Variants in MSH3 observed in about 807,000 individuals in gnomAD.
The protein encoded by MSH3 is DNA mismatch repair protein Msh3.
In MSH3, 106 loss-of-function variants were observed where a neutral mutation model predicts 123.3. The observed-to-expected ratio is 0.86, with a 90% CI of 0.73 to 1.01. The LOEUF (loss-of-function observed/expected upper bound fraction) is 1.01. MSH3 is among the 50% of genes least tolerant of loss of function. MSH3 has a pLI of 0.00. For missense variants in MSH3, 1,459 were observed against 1,347.6 expected (o/e 1.08, Z -1.29); for synonymous variants, 515 against 481.4 (o/e 1.07, Z -0.91).
At chr5:80,715,758 C>A (rs1268104390) in intron 8 of MSH3, among the ~76,000 whole-genome samples, 1 of 151,968 alleles carries the variant, frequency 6.6e-6, no homozygotes, top group Non-Finnish European at 1.5e-5. Context: ...GGGGGAGGTG[C>A]CATACACTTT....
At chr5:80,707,806 G>A (rs1415107513) in intron 8 of MSH3, among the ~76,000 whole-genome samples, 1 of 152,232 alleles carries the variant, frequency 6.6e-6, no homozygotes, top group Non-Finnish European at 1.5e-5. Flanking sequence ...TCTCAGCAGT[G>A]TGTGAGAGCT....
intron 22 of MSH3, among the ~76,000 whole-genome samples, chr5:80,868,290 A>G (rs896845009): frequency 6.6e-6 from 1 of 151,974 alleles, no homozygotes; most frequent in African/African-American, 2.4e-5. Flanking sequence ...AGAAATATAA[A>G]TTGTTGTGTC....
At chr5:80,812,163 G>GT (rs1202825177) in intron 19 of MSH3, among the ~76,000 whole-genome samples, 1 of 152,154 alleles carries the variant, frequency 6.6e-6, no homozygotes, top group Non-Finnish European at 1.5e-5. Context: ...CTCTAGCACA[G>GT]TTTGGCATTA....
chr5:80,754,454 T>C (rs867151026), intron 12 of MSH3, among the ~76,000 whole-genome samples: 1 of 152,186 alleles, frequency 6.6e-6, no homozygotes, highest in Non-Finnish European at 1.5e-5. Flanking sequence ...AGGGAATTTC[T>C]AATCTAATCT....
chr5:80,834,388 A>T (rs1478269874), intron 20 of MSH3, among the ~76,000 whole-genome samples: 1 of 150,240 alleles, frequency 6.7e-6, no homozygotes, highest in Non-Finnish European at 1.5e-5. Flanking sequence ...AGTTCTACAA[A>T]TGGAAAGCAG....
In MSH3 at chr5:80,698,060, A is replaced by G. The variant is rs528087759; in HGVS notation, c.1340+18967A>G. ...GTAGCTGGGACTGCAGGTGTGCTCA[A>G]CCACACCCAGCTAATTTTTTTTGTA... On this transcript the variant is annotated intron_variant, in intron 8 of 23. Transcript: ENST00000265081. 1.8e-4 allele frequency among the ~76,000 whole-genome samples: 28 copies of G among 152,114 alleles called. No homozygotes were observed. The South Asian group carries it at 1.9e-3, about 10-fold the overall frequency.
intron 13 of MSH3, among the ~76,000 whole-genome samples, chr5:80,762,241 C>T: frequency 6.6e-6 from 1 of 151,618 alleles, no homozygotes; most frequent in Middle Eastern, 3.2e-3. Flanking sequence ...TCAAAATATG[C>T]CTAAAATTAA....
At chr5:80,845,292 C>A (rs1295812177) in intron 20 of MSH3, among the ~76,000 whole-genome samples, 1 of 152,176 alleles carries the variant, frequency 6.6e-6, no homozygotes, top group Non-Finnish European at 1.5e-5. Flanking sequence ...ATGGGCTTCC[C>A]TTTGTGGGTA....
chr5:80,826,548 ATT>A (rs10625891), intron 20 of MSH3, among the ~76,000 whole-genome samples: 3 of 140,514 alleles, frequency 2.1e-5, no homozygotes, highest in African/African-American at 2.6e-5. Flanking sequence ...GAGGTTAGGA[ATT>A]TTTTTTTTTT....
chr5:80,869,270 C>A (rs1284828338), intron 22 of MSH3, among the ~76,000 whole-genome samples: 1 of 152,150 alleles, frequency 6.6e-6, no homozygotes, highest in Non-Finnish European at 1.5e-5. Flanking sequence ...CCATAATAAG[C>A]AGAAACATGA....
intron 19 of MSH3, among the ~76,000 whole-genome samples, chr5:80,809,543 A>G (rs566343211): frequency 2.0e-5 from 3 of 152,078 alleles, no homozygotes; most frequent in Admixed American, 6.6e-5. Flanking sequence ...AAACATTTCT[A>G]TTTCTGCATT....
In MSH3 at chr5:80,672,850, T is replaced by C. The variant is rs1228031532; in HGVS notation, c.1019T>C (p.Ile340Thr). 4.4e-6 allele frequency: 7 copies of C among 1,605,566 alleles called. No homozygotes were observed. Among genetic ancestry groups the C allele is most frequent in the Non-Finnish European group, 6.0e-6 (7 of 1,172,312 alleles). The change falls in exon 6 of 24, where the codon ATT becomes ACT. Residue 340 changes from isoleucine (I) to threonine (T), a missense_variant. Coordinates refer to ENST00000265081, the MANE Select transcript of MSH3 (RefSeq NM_002439.5). ...GCCCTTTATACAAAATCTACACTTA[T>C]TGGAGAAGATATCCTTTTTGGACGG... ...LTALYTKSTL[I>T]GEDVNPLIKL...
Position 80,654,919 on chromosome 5 carries a change from AGCGCCCCC to A in MSH3, c.193_200del (p.Ala65SerfsTer17), listed in dbSNP as rs1749215793. The A allele has an allele frequency of 2.6e-6, 4 of 1,513,528 alleles. No homozygotes were observed. In the African/African-American group the frequency reaches 6.2e-5, roughly 24 times the overall value. The allele number at this position is 1,513,528 out of a possible 1,614,324, so 93.8% of individuals were successfully genotyped here. A position where few individuals can be genotyped will look rare whatever the true frequency, so the allele number is the denominator to read the frequency against. On this transcript the variant is annotated frameshift_variant, in exon 1 of 24. Coordinates refer to ENST00000265081, the MANE Select transcript of MSH3 (RefSeq NM_002439.5). LOFTEE classifies it high-confidence loss of function. ...CGGCCGCAGCGGCCGCAGCGCCCCC[AGCGCCCCC>A]AGCTCCCGCCTTCCCGCCCCAGCTG...
At chr5:80,804,351 A>G (rs1274367588) in intron 19 of MSH3, among the ~76,000 whole-genome samples, 2 of 152,228 alleles carry the variant, frequency 1.3e-5, no homozygotes, top group African/African-American at 4.8e-5. Flanking sequence ...CCCAGTGAGC[A>G]TTGAAGAATT....
intron 7 of MSH3, among the ~76,000 whole-genome samples, chr5:80,676,527 C>T (rs13355622): frequency 0.076 from 11,609 of 152,224 alleles, 500 homozygotes; most frequent in Non-Finnish European, 0.092. Flanking sequence ...CTAATTTCTA[C>T]GGTCAGTGGC....
chr5:80,770,428 A>G (rs915914589), intron 15 of MSH3, among the ~76,000 whole-genome samples: 1 of 152,204 alleles, frequency 6.6e-6, no homozygotes, highest in African/African-American at 2.4e-5. Flanking sequence ...ATAAAGTGCT[A>G]TGCTTATACT....
chr5:80,865,245 A>C (rs753431107), intron 22 of MSH3, among the ~76,000 whole-genome samples: 4 of 152,054 alleles, frequency 2.6e-5, no homozygotes, highest in Non-Finnish European at 5.9e-5. Flanking sequence ...AGTGCCTTGT[A>C]CTCTTACATG....
At chr5:80,761,069 T>A (rs1171092818) in intron 12 of MSH3, among the ~76,000 whole-genome samples, 1 of 152,190 alleles carries the variant, frequency 6.6e-6, no homozygotes, top group Non-Finnish European at 1.5e-5. Context: ...GTAGGACTTT[T>A]TCCTTAGTTC....
At chr5:80,709,611 G>A (rs953305208) in intron 8 of MSH3, among the ~76,000 whole-genome samples, 3 of 152,036 alleles carry the variant, frequency 2.0e-5, no homozygotes, top group Non-Finnish European at 2.9e-5. Context: ...CAGCCTGGGC[G>A]ACAGAGTGAA....
Sources: allele counts gnomAD v4.1 joint callset (sites outside exome capture counted in the v4.1 genomes callset), GRCh38; gene constraint gnomAD v4.1.1; transcripts MANE v1.5; gene names NCBI Gene and HGNC (gene_info 2026-07-23, HGNC 2026-07-21).